LRRC49: variants seen among roughly 807,000 people sequenced by gnomAD.
LRRC49 encodes the protein leucine-rich repeat-containing protein 49.
Under a neutral mutation model 83.3 loss-of-function variants are expected in LRRC49, and 50 were observed. The observed-to-expected ratio is 0.60, with a 90% CI of 0.48 to 0.76. The LOEUF (loss-of-function observed/expected upper bound fraction) is 0.76. Among genes scored for constraint, LRRC49 ranks in the 30% least tolerant of loss-of-function variants. The pLI is 0.00. For synonymous variants in LRRC49, 286 were observed against 283.3 expected (o/e 1.01, Z -0.10); for missense variants, 704 against 809.1 (o/e 0.87, Z 1.58).
intron 8 of LRRC49, among the ~76,000 whole-genome samples, chr15:70,949,568 C>T (rs1033063303): frequency 6.6e-6 from 1 of 152,120 alleles, no homozygotes. Flanking sequence ...GGAACCCACT[C>T]GACCCCTCCC....
chr15:70,892,968 T>C (rs758906122), intron 1 of LRRC49, 26 bp downstream of exon 1: 14 of 1,612,678 alleles, frequency 8.7e-6, no homozygotes, highest in Non-Finnish European at 1.0e-5. Flanking sequence ...TACTTTCTCT[T>C]TCTTCCCACT....
chr15:70,958,019 A>G (rs1289469364), intron 8 of LRRC49, among the ~76,000 whole-genome samples: 1 of 152,202 alleles, frequency 6.6e-6, no homozygotes, highest in African/African-American at 2.4e-5. Context: ...CCTTGTAACC[A>G]TAACTCTAGT....
At chr15:70,926,258 A>G (rs2035192260) in intron 7 of LRRC49, among the ~76,000 whole-genome samples, 1 of 152,106 alleles carries the variant, frequency 6.6e-6, no homozygotes, top group South Asian at 2.1e-4. Context: ...TTATTTATTT[A>G]TTTAGAGATA....
intron 14 of LRRC49, among the ~76,000 whole-genome samples, chr15:71,024,606 A>G (rs1170012325): frequency 6.6e-6 from 1 of 152,172 alleles, no homozygotes; most frequent in African/African-American, 2.4e-5. Context: ...TCCAAAGGTC[A>G]GCAGCCTCAA....
chr15:70,959,541 GGAA>G, intron 8 of LRRC49, among the ~76,000 whole-genome samples: 1 of 8,656 alleles, frequency 1.2e-4, no homozygotes, highest in African/African-American at 1.9e-4. Context: ...AAGGAGGGAA[GGAA>G]GGAAGGAAGG....
intron 3 of LRRC49, chr15:70,898,299 A>AT: frequency 1.5e-6 from 1 of 646,102 alleles, no homozygotes; most frequent in Non-Finnish European, 2.8e-6. Flanking sequence ...CGCAAAATAG[A>AT]TTTTCAATTA....
At chr15:70,965,548 GT>G (rs780138840) in intron 9 of LRRC49, among the ~76,000 whole-genome samples, 1 of 151,956 alleles carries the variant, frequency 6.6e-6, no homozygotes, top group Admixed American at 6.6e-5. Context: ...TTACAGGTTA[GT>G]TTTTTTGTAG....
At chr15:70,995,936 G>A (rs2038060523) in intron 11 of LRRC49, among the ~76,000 whole-genome samples, 1 of 152,124 alleles carries the variant, frequency 6.6e-6, no homozygotes, top group South Asian at 2.1e-4. Context: ...TAGAGAAAGA[G>A]TTTGGGAGAG....
intron 14 of LRRC49, among the ~76,000 whole-genome samples, chr15:71,027,040 T>G (rs886361943): frequency 6.6e-6 from 1 of 152,220 alleles, no homozygotes; most frequent in Non-Finnish European, 1.5e-5. Context: ...TGAATGGTAT[T>G]GCCTAGGTTT....
intron 14 of LRRC49, among the ~76,000 whole-genome samples, chr15:71,020,764 T>C (rs887945621): frequency 6.6e-6 from 1 of 152,058 alleles, no homozygotes; most frequent in Non-Finnish European, 1.5e-5. Flanking sequence ...TGAAACAAAA[T>C]AATAAAAACA....
chr15:70,982,620 A>AT (rs1191410355), intron 10 of LRRC49, among the ~76,000 whole-genome samples: 1 of 151,734 alleles, frequency 6.6e-6, no homozygotes, highest in Admixed American at 6.6e-5. Flanking sequence ...GGCCCAAAAC[A>AT]TTTTTTTTAG....
chr15:70,953,522 T>C (rs2036292767), intron 8 of LRRC49, among the ~76,000 whole-genome samples: 1 of 152,188 alleles, frequency 6.6e-6, no homozygotes, highest in African/African-American at 2.4e-5. Flanking sequence ...AGGGTTCCCT[T>C]TGTAAGTTTT....
At chr15:70,866,114 GTATTTATTTATTTATTTATT>G (rs71880311) in intron 1 of LRRC49, among the ~76,000 whole-genome samples, 29 of 142,148 alleles carry the variant, frequency 2.0e-4, no homozygotes, top group Middle Eastern at 3.5e-3. Context: ...TACATGTAAA[GTATTTATTTATTTATTTATT>G]TATTTATTTA....
intron 6 of LRRC49, among the ~76,000 whole-genome samples, chr15:70,914,411 A>C (rs1476724586): frequency 1.3e-5 from 2 of 152,194 alleles, no homozygotes; most frequent in African/African-American, 2.4e-5. Flanking sequence ...TGGATGTGAA[A>C]TCATTCTGAG....
At chr15:71,013,455 A>G (rs1232984159) in intron 14 of LRRC49, among the ~76,000 whole-genome samples, 1 of 152,236 alleles carries the variant, frequency 6.6e-6, no homozygotes, top group Non-Finnish European at 1.5e-5. Flanking sequence ...AATGAAGCAC[A>G]AGCAATCATA....
intron 2 of LRRC49, among the ~76,000 whole-genome samples, chr15:70,886,817 G>A (rs2033420728): frequency 1.3e-5 from 2 of 151,932 alleles, no homozygotes; most frequent in African/African-American, 2.4e-5. Flanking sequence ...AGTGAGCTGA[G>A]ATTGCGCCAC....
intron 7 of LRRC49, among the ~76,000 whole-genome samples, chr15:70,935,185 C>T (rs1366858173): frequency 6.6e-6 from 1 of 152,172 alleles, no homozygotes. Context: ...ATCATTATCT[C>T]ACATCTGTGG....
chr15:71,025,611 A>T (rs2039140664), intron 14 of LRRC49, among the ~76,000 whole-genome samples: 1 of 152,178 alleles, frequency 6.6e-6, no homozygotes, highest in African/African-American at 2.4e-5. Context: ...TGTATTCAAG[A>T]GACCCATCTC....
intron 14 of LRRC49, among the ~76,000 whole-genome samples, chr15:71,031,945 C>T (rs141938373): frequency 1.4e-4 from 21 of 152,252 alleles, no homozygotes; most frequent in South Asian, 1.2e-3. Context: ...GGGAGTGGGA[C>T]CCACTGAGTG....
Sources: allele counts gnomAD v4.1 joint callset (sites outside exome capture counted in the v4.1 genomes callset), GRCh38; gene constraint gnomAD v4.1.1; transcripts MANE v1.5; gene names NCBI Gene and HGNC (gene_info 2026-07-23, HGNC 2026-07-21).